The following CERT1 variants were observed in gnomAD, a reference collection of about 807,000 sequenced individuals.
The protein encoded by CERT1 is ceramide transfer protein.
In CERT1, 31 loss-of-function variants were observed where a neutral mutation model predicts 87.9. The observed-to-expected ratio is 0.35, with a 90% CI of 0.27 to 0.48. CERT1 has a LOEUF of 0.48. CERT1 is among the 20% of genes least tolerant of loss of function. CERT1 has a pLI of 0.99. For synonymous variants in CERT1, 289 were observed against 250.9 expected (o/e 1.15, Z -1.44); for missense variants, 487 against 758.0 (o/e 0.64, Z 4.20).
At chr5:75,396,448 C>CA (rs1405824117) in intron 11 of CERT1, among the ~76,000 whole-genome samples, 5 of 152,000 alleles carry the variant, frequency 3.3e-5, no homozygotes, top group Non-Finnish European at 1.5e-5. Flanking sequence ...CGATGTAGGC[C>CA]AGGTGTGGCG....
At chr5:75,412,612 C>T (rs2112133339) in intron 7 of CERT1, among the ~76,000 whole-genome samples, 1 of 152,264 alleles carries the variant, frequency 6.6e-6, no homozygotes, top group African/African-American at 2.4e-5. Flanking sequence ...TACTACACAT[C>T]TAGGCTATAA....
chr5:75,475,267 C>CT (rs1391415616), intron 2 of CERT1, among the ~76,000 whole-genome samples: 1 of 152,074 alleles, frequency 6.6e-6, no homozygotes, highest in Non-Finnish European at 1.5e-5. Context: ...AAATGTGCTC[C>CT]TTGTAAGAAT....
intron 11 of CERT1, among the ~76,000 whole-genome samples, chr5:75,392,426 ACT>A (rs1283447201): frequency 6.6e-6 from 1 of 152,216 alleles, no homozygotes; most frequent in African/African-American, 2.4e-5. Flanking sequence ...ACTGCAATAA[ACT>A]CTGCAAAACT....
chr5:75,441,403 C>T (rs764190816), intron 3 of CERT1, among the ~76,000 whole-genome samples: 7 of 152,200 alleles, frequency 4.6e-5, no homozygotes, highest in South Asian at 2.1e-4. Context: ...TTGTTAAGAA[C>T]GTGGGTATTT....
chr5:75,379,764 T>C (rs1006197921), intron 16 of CERT1, among the ~76,000 whole-genome samples: 1 of 152,078 alleles, frequency 6.6e-6, no homozygotes, highest in Non-Finnish European at 1.5e-5. Flanking sequence ...TTTGTATTTT[T>C]AGTAGAGATG....
At chr5:75,421,009 A>G (rs1335796610) in intron 5 of CERT1, among the ~76,000 whole-genome samples, 1 of 152,074 alleles carries the variant, frequency 6.6e-6, no homozygotes, top group African/African-American at 2.4e-5. Context: ...AGGTTTTGCC[A>G]TGTTGCCCAG....
chr5:75,485,312 C>CAAAAAAAATATAAAAAAAAAAAAAAA (rs1766461643), intron 2 of CERT1, among the ~76,000 whole-genome samples: 1 of 46,438 alleles, frequency 2.2e-5, no homozygotes, highest in African/African-American at 9.1e-5. Flanking sequence ...CACAAAAATA[C>CAAAAAAAATATAAAAAAAAAAAAAAA]AAAAAAAAAA....
At chr5:75,439,793 C>T (rs868522787) in intron 3 of CERT1, among the ~76,000 whole-genome samples, 5 of 151,892 alleles carry the variant, frequency 3.3e-5, no homozygotes, top group African/African-American at 9.7e-5. Flanking sequence ...ATTTAAAATA[C>T]GCAATGGGAA....
At chr5:75,450,685 C>T (rs1231949898) in intron 3 of CERT1, among the ~76,000 whole-genome samples, 1 of 152,110 alleles carries the variant, frequency 6.6e-6, no homozygotes, top group Admixed American at 6.5e-5. Flanking sequence ...CTCCACAATC[C>T]CTTATCTTAA....
intron 8 of CERT1, among the ~76,000 whole-genome samples, chr5:75,410,506 C>T (rs1337806797): frequency 6.6e-6 from 1 of 150,974 alleles, no homozygotes; most frequent in Non-Finnish European, 1.5e-5. Context: ...GCTACTAGGG[C>T]AGCTGAGGCA....
At chr5:75,479,862 G>A (rs1766147704) in intron 2 of CERT1, among the ~76,000 whole-genome samples, 2 of 152,094 alleles carry the variant, frequency 1.3e-5, no homozygotes, top group Non-Finnish European at 2.9e-5. Context: ...GTGAGGAATC[G>A]CCATACTGCT....
chr5:75,490,644 GC>G (rs1484832556), intron 2 of CERT1, among the ~76,000 whole-genome samples: 3 of 151,794 alleles, frequency 2.0e-5, no homozygotes, highest in Admixed American at 6.6e-5. Flanking sequence ...GACTACAGGC[GC>G]CCACCACCAC....
chr5:75,498,989 C>T (rs1767212177), intron 2 of CERT1, among the ~76,000 whole-genome samples: 1 of 152,220 alleles, frequency 6.6e-6, no homozygotes, highest in Admixed American at 6.5e-5. Flanking sequence ...TGGGAGCCCA[C>T]CTCTTGCATA....
At chr5:75,411,746 C>T (rs1000796618) in intron 7 of CERT1, among the ~76,000 whole-genome samples, 1 of 151,944 alleles carries the variant, frequency 6.6e-6, no homozygotes, top group African/African-American at 2.4e-5. Flanking sequence ...TGAAAAATAC[C>T]TACTATACAT....
At chr5:75,444,548 C>CTTTTTTTTTTTT (rs952234196) in intron 3 of CERT1, among the ~76,000 whole-genome samples, 5 of 128,808 alleles carry the variant, frequency 3.9e-5, no homozygotes, top group African/African-American at 9.0e-5. Context: ...CTTTTCTTTT[C>CTTTTTTTTTTTT]TTTTTTTTTT....
intron 3 of CERT1, among the ~76,000 whole-genome samples, chr5:75,432,213 G>A (rs530642056): frequency 3.3e-4 from 50 of 152,100 alleles, no homozygotes; most frequent in African/African-American, 1.2e-3. Flanking sequence ...CACCACACCC[G>A]GCTAATTTTG....
chr5:75,480,629 T>C (rs1297250981), intron 2 of CERT1, among the ~76,000 whole-genome samples: 1 of 152,222 alleles, frequency 6.6e-6, no homozygotes, highest in Non-Finnish European at 1.5e-5. Flanking sequence ...AGTTGCTCTC[T>C]CTATTATCTT....
intron 8 of CERT1, among the ~76,000 whole-genome samples, chr5:75,404,692 G>A (rs1260741095): frequency 2.6e-5 from 4 of 152,190 alleles, no homozygotes; most frequent in East Asian, 3.9e-4. Flanking sequence ...AGAGCCTCAG[G>A]AGTCTAATTG....
chr5:75,427,086 G>A (rs910307103), intron 3 of CERT1, among the ~76,000 whole-genome samples: 2 of 152,088 alleles, frequency 1.3e-5, no homozygotes, highest in African/African-American at 4.8e-5. Flanking sequence ...TTCATGGCAC[G>A]AAGTTTCCAA....
Sources: gnomAD v4.1 joint callset for allele counts (sites outside exome capture counted in the v4.1 genomes callset) on GRCh38, gnomAD v4.1.1 for gene constraint, MANE v1.5 for transcripts, NCBI Gene and HGNC (gene_info 2026-07-23, HGNC 2026-07-21) for gene names.